MYO3B: variants seen among roughly 807,000 people sequenced by gnomAD.
The protein encoded by MYO3B is myosin-IIIb.
Under a neutral mutation model 174.6 loss-of-function variants are expected in MYO3B, and 156 were observed. The observed-to-expected ratio is 0.89, with a 90% CI of 0.78 to 1.02. The LOEUF (loss-of-function observed/expected upper bound fraction) is 1.02. Among genes scored for constraint, MYO3B ranks in the 50% least tolerant of loss-of-function variants. MYO3B has a pLI of 0.00. For synonymous variants in MYO3B, 563 were observed against 569.1 expected, an observed-to-expected ratio of 0.99 and a Z score of 0.15; for missense variants, 1,632 against 1,639.4, an observed-to-expected ratio of 1.00 and a Z score of 0.08.
chr2:170,226,598 T>A lies in MYO3B; in HGVS notation c.603+9203T>A, dbSNP rs1256577391. On this transcript the variant is annotated intron_variant, in intron 6 of 34. Coordinates refer to ENST00000408978, the MANE Select transcript of MYO3B (RefSeq NM_138995.5). The stretch of plus-strand genomic sequence containing the variant: ...GGAGCTCTGTGGGGAGGTTGAGTCA[T>A]GTGTCATATGTCAGTGTGGAGGCGG... 2.0e-5 allele frequency among the ~76,000 whole-genome samples: 3 copies of A among 152,100 alleles called. No individual in the cohort carries two copies. In the East Asian group the frequency reaches 5.8e-4, roughly 29 times the overall value.
intron 30 of MYO3B, among the ~76,000 whole-genome samples, chr2:170,536,230 G>A (rs570186391): frequency 2.6e-4 from 39 of 152,328 alleles, no homozygotes; most frequent in African/African-American, 8.9e-4. Flanking sequence ...TGAGAAATTA[G>A]CATAAGTGCA....
At chr2:170,511,717 C>T (rs1688003951) in intron 28 of MYO3B, among the ~76,000 whole-genome samples, 2 of 152,200 alleles carry the variant, frequency 1.3e-5, no homozygotes, top group African/African-American at 4.8e-5. Context: ...CTGTGCAGAA[C>T]AGTCTGCTAG....
At chr2:170,406,356 T>C (rs1318767332) in intron 21 of MYO3B, among the ~76,000 whole-genome samples, 1 of 152,242 alleles carries the variant, frequency 6.6e-6, no homozygotes, top group Non-Finnish European at 1.5e-5. Context: ...ATTTCAGATG[T>C]ATTGAAATTG....
chr2:170,205,547 C>A (rs1398664455), intron 3 of MYO3B, among the ~76,000 whole-genome samples: 1 of 152,116 alleles, frequency 6.6e-6, no homozygotes, highest in African/African-American at 2.4e-5. Flanking sequence ...TTTAGAGGAG[C>A]AAAGACTATT....
chr2:170,267,260 C>T (rs1172198132), intron 7 of MYO3B, among the ~76,000 whole-genome samples: 1 of 152,176 alleles, frequency 6.6e-6, no homozygotes, highest in Non-Finnish European at 1.5e-5. Context: ...CCTTAGTCCT[C>T]TGCTGGATGC....
intron 30 of MYO3B, among the ~76,000 whole-genome samples, chr2:170,530,259 G>A (rs1245656696): frequency 3.3e-5 from 5 of 152,176 alleles, no homozygotes; most frequent in Admixed American, 2.6e-4. Context: ...CTGTGCTTGG[G>A]AAATTAGATA....
intron 32 of MYO3B, among the ~76,000 whole-genome samples, chr2:170,593,843 A>G (rs4500910): frequency 0.26 from 39,446 of 152,120 alleles, 7,182 homozygotes; most frequent in African/African-American, 0.52. Context: ...GAGCAACTGC[A>G]AGATTTTCCT....
At chr2:170,210,823 A>G (rs1016519740) in intron 3 of MYO3B, among the ~76,000 whole-genome samples, 23 of 152,210 alleles carry the variant, frequency 1.5e-4, no homozygotes, top group Admixed American at 7.2e-4. Context: ...TTTAAAAAAA[A>G]TTTGATCCAA....
chr2:170,247,370 A>G (rs2093202957), intron 7 of MYO3B, among the ~76,000 whole-genome samples: 1 of 152,138 alleles, frequency 6.6e-6, no homozygotes, highest in Non-Finnish European at 1.5e-5. Context: ...GAAGAGCAGC[A>G]CCATCTGCTT....
intron 32 of MYO3B, among the ~76,000 whole-genome samples, chr2:170,587,464 A>G (rs902711732): frequency 6.6e-6 from 1 of 152,258 alleles, no homozygotes; most frequent in South Asian, 2.1e-4. Context: ...CCACTTAATT[A>G]CAAAGGTAGA....
chr2:170,197,764 G>A (rs983317618), intron 1 of MYO3B, among the ~76,000 whole-genome samples: 1 of 152,188 alleles, frequency 6.6e-6, no homozygotes, highest in Non-Finnish European at 1.5e-5. Flanking sequence ...GCTTGAATGG[G>A]ATTGGAATTT....
At chr2:170,343,045 AC>A (rs2093988385) in intron 8 of MYO3B, among the ~76,000 whole-genome samples, 3 of 131,132 alleles carry the variant, frequency 2.3e-5, no homozygotes, top group Non-Finnish European at 3.2e-5. Flanking sequence ...ACACACACAC[AC>A]ACACACACAC....
Position 170,603,090 on chromosome 2 carries a change from C to CAA in MYO3B, c.3734-48530_3734-48529dup, listed in dbSNP as rs143598500. ...TCTCACAAAAAAGAAAAACAAAAAA[C>CAA]AAAAAAAAACTTCTAAACCTTCATA... is the stretch of plus-strand genomic sequence containing the variant. On this transcript the variant is annotated intron_variant, in intron 32 of 34. Transcript: ENST00000408978. Among the ~76,000 whole-genome samples, 371 of 151,114 alleles carry CAA rather than the reference C, an allele frequency of 2.5e-3. 3 individuals are homozygous for CAA. The highest frequency in any genetic ancestry group is 8.7e-3 in the African/African-American group (360 of 41,254).
intron 32 of MYO3B, among the ~76,000 whole-genome samples, chr2:170,580,389 A>G (rs182469981): frequency 9.2e-5 from 14 of 152,278 alleles, no homozygotes; most frequent in Admixed American, 2.0e-4. Context: ...TGTAATCCCA[A>G]CGCTTTAGGA....
Position 170,630,402 on chromosome 2 carries a change from C to G in MYO3B, c.3734-21226C>G, listed in dbSNP as rs373212872. 4.6e-5 allele frequency among the ~76,000 whole-genome samples: 7 copies of G among 152,276 alleles called. No individual in the cohort carries two copies. The East Asian group carries it at 5.8e-4, about 13-fold the overall frequency. Reference sequence around the variant, plus strand: ...AGGTAAACAAAGCTGCCAGGAAGCTCGAACTGAGTGGGGCCCACCGCAGCT... The same window carrying G: ...AGGTAAACAAAGCTGCCAGGAAGCTGGAACTGAGTGGGGCCCACCGCAGCT... On this transcript the variant is annotated intron_variant, in intron 32 of 34. Transcript: ENST00000408978.
chr2:170,266,231 C>T (rs1374886240), intron 7 of MYO3B, among the ~76,000 whole-genome samples: 4 of 152,098 alleles, frequency 2.6e-5, no homozygotes, highest in Admixed American at 6.6e-5. Context: ...GGTGGCTTGG[C>T]CTAATACAAG....
intron 25 of MYO3B, among the ~76,000 whole-genome samples, chr2:170,497,764 G>A (rs1183388965): frequency 6.6e-6 from 1 of 151,940 alleles, no homozygotes; most frequent in African/African-American, 2.4e-5. Flanking sequence ...CCTCAGCTGT[G>A]AACTTGGATG....
At chr2:170,447,014 C>T (rs1261457689) in intron 23 of MYO3B, among the ~76,000 whole-genome samples, 1 of 152,116 alleles carries the variant, frequency 6.6e-6, no homozygotes, top group African/African-American at 2.4e-5. Context: ...CATTCCTTAC[C>T]TCTGGGTATT....
intron 17 of MYO3B, 67 bp downstream of exon 17, chr2:170,400,381 A>T: frequency 2.0e-6 from 3 of 1,500,020 alleles, no homozygotes; most frequent in Non-Finnish European, 2.7e-6. Flanking sequence ...TCTGTAAAAT[A>T]TAATGCAGCA....
Sources: gnomAD v4.1 joint callset for allele counts (sites outside exome capture counted in the v4.1 genomes callset) on GRCh38, gnomAD v4.1.1 for gene constraint, MANE v1.5 for transcripts, NCBI Gene and HGNC (gene_info 2026-07-23, HGNC 2026-07-21) for gene names.